The following SLC35F5 variants were observed in gnomAD, a reference collection of about 807,000 sequenced individuals.
SLC35F5 encodes the protein HCV NS5A-transactivated protein 3.
In SLC35F5, 54 loss-of-function variants were observed where a neutral mutation model predicts 68.6. The observed-to-expected ratio is 0.79, with a 90% CI of 0.63 to 0.99. SLC35F5 has a LOEUF of 0.99. Ranked by LOEUF, SLC35F5 falls within the 50% of genes least tolerant of loss-of-function variation. SLC35F5 has a pLI of 0.00. For missense variants in SLC35F5, 567 were observed against 626.9 expected (o/e 0.90, Z 1.02); for synonymous variants, 211 against 205.2 (o/e 1.03, Z -0.24).
intron 4 of SLC35F5, among the ~76,000 whole-genome samples, chr2:113,746,698 G>C (rs1251215887): frequency 6.6e-6 from 1 of 152,170 alleles, no homozygotes; most frequent in Non-Finnish European, 1.5e-5. Context: ...GCCAAGGCTG[G>C]TGGATCATTT....
intron 11 of SLC35F5, among the ~76,000 whole-genome samples, chr2:113,726,881 T>A (rs546942575): frequency 1.4e-4 from 22 of 152,330 alleles, no homozygotes; most frequent in African/African-American, 5.3e-4. Flanking sequence ...TCTTGCTTCC[T>A]TCACTGCAAG....
In SLC35F5 at chr2:113,755,504, G is replaced by T. The variant is rs1314324739; in HGVS notation, c.81C>A (p.Ala27=). The T allele has an allele frequency of 5.0e-6, 8 of 1,613,908 alleles. No individual in the cohort carries two copies. Among genetic ancestry groups the T allele is most frequent in the Non-Finnish European group, 5.9e-6 (7 of 1,180,004 alleles). ...CCTCAAGAGCAATGCCGGAAAACTT[G>T]GCAGATCTCAGTCTAAAAGGAGGTG... ...SSSPPFRLRS[A]KFSGIALEDL... is the part of the protein sequence containing the mutation. Residue 27 remains alanine (A), a synonymous_variant, in exon 2 of 16, where the codon GCC becomes GCA. Coordinates refer to ENST00000245680, the MANE Select transcript of SLC35F5 (RefSeq NM_025181.5).
chr2:113,719,672 C>T (rs1376041017), intron 13 of SLC35F5: 1 of 160,506 alleles, frequency 6.2e-6, no homozygotes, highest in Non-Finnish European at 1.3e-5. Flanking sequence ...GCTGCCTAGT[C>T]TCAAGTGGGT....
intron 13 of SLC35F5, among the ~76,000 whole-genome samples, chr2:113,721,923 T>C (rs1483359917): frequency 6.6e-6 from 1 of 151,968 alleles, no homozygotes; most frequent in Non-Finnish European, 1.5e-5. Context: ...TAAAGAATTA[T>C]TTTATAAATA....
chr2:113,729,645 G>A, intron 10 of SLC35F5, 140 bp from the exon 11 acceptor site: 1 of 588,270 alleles, frequency 1.7e-6, no homozygotes. Context: ...CCTTTATATT[G>A]ATATAAAGAT....
At chr2:113,724,112 A>C (rs1687565035) in intron 12 of SLC35F5, among the ~76,000 whole-genome samples, 1 of 152,136 alleles carries the variant, frequency 6.6e-6, no homozygotes, top group Admixed American at 6.5e-5. Flanking sequence ...GAGGCTGAAC[A>C]ACGAGTCCTT....
chr2:113,728,965 T>C (rs567948489), intron 11 of SLC35F5, among the ~76,000 whole-genome samples: 2 of 152,368 alleles, frequency 1.3e-5, no homozygotes, highest in East Asian at 3.9e-4. Flanking sequence ...CCCACAATTT[T>C]TAATGTACAT....
Position 113,712,567 on chromosome 2 carries a change from G to A in SLC35F5, c.*2651C>T, listed in dbSNP as rs557887470. On this transcript the variant is annotated 3_prime_UTR_variant, in exon 16 of 16. Coordinates refer to ENST00000245680, the MANE Select transcript of SLC35F5 (RefSeq NM_025181.5). Reference sequence around the variant, plus strand: ...CCTGACCTCGTGATCCGCCCGCCTCGGCCTCCCAAAGTGCTGGGACTACAG... The same window carrying A: ...CCTGACCTCGTGATCCGCCCGCCTCAGCCTCCCAAAGTGCTGGGACTACAG... Among the ~76,000 whole-genome samples, 7 of 151,672 alleles carry A rather than the reference G, an allele frequency of 4.6e-5. No homozygotes were observed. The highest frequency in any genetic ancestry group is 1.3e-4 in the Admixed American group (2 of 15,238).
At chr2:113,705,660 A>G (rs1038475139), downstream of SLC35F5, 3 of 152,184 alleles carry the variant, frequency 2.0e-5, no homozygotes, top group Non-Finnish European at 4.4e-5. Context: ...AGATGAAGAA[A>G]GAAGTTATAA....
chr2:113,734,744 A>C, intron 8 of SLC35F5, 71 bp from the exon 9 acceptor site: 1 of 893,358 alleles, frequency 1.1e-6, no homozygotes, highest in South Asian at 1.7e-5. Context: ...TACCAACTTC[A>C]TTGTTTAAAT....
chr2:113,721,077 AAATAACC>A (rs1039059706), intron 13 of SLC35F5, among the ~76,000 whole-genome samples: 1 of 152,162 alleles, frequency 6.6e-6, no homozygotes, highest in Non-Finnish European at 1.5e-5. Flanking sequence ...AAATAGATTT[AAATAACC>A]AATTTGTTTC....
In SLC35F5 at chr2:113,709,144, G is replaced by C. The variant is rs966280381; in HGVS notation, c.*6074C>G. 6.6e-6 allele frequency among the ~76,000 whole-genome samples: 1 copy of C among 152,126 alleles called. No individual in the cohort carries two copies. The highest frequency in any genetic ancestry group is 2.4e-5 in the African/African-American group (1 of 41,406). On this transcript the variant is annotated 3_prime_UTR_variant, in exon 16 of 16. Coordinates refer to ENST00000245680, the MANE Select transcript of SLC35F5 (RefSeq NM_025181.5). ...CTTTACAAAGCACTAAGTACACATA[G>C]GTGTTTGGCATTGTCTCTGGAACTA... is the stretch of plus-strand genomic sequence containing the variant.
At chr2:113,756,122 GAC>G in intron 1 of SLC35F5, 1 of 1,445,242 alleles carries the variant, frequency 6.9e-7, no homozygotes. Flanking sequence ...GAGCGGGGAA[GAC>G]AGTTAAGGCA....
Position 113,715,717 on chromosome 2 carries a change from C to T in SLC35F5, c.*23-522G>A, listed in dbSNP as rs138901128. On this transcript the variant is annotated intron_variant, in intron 15 of 15. Coordinates refer to ENST00000245680, the MANE Select transcript of SLC35F5 (RefSeq NM_025181.5). The stretch of plus-strand genomic sequence containing the variant: ...TTCTAGGAAACTGACTTTAGGTCCC[C>T]GAATAACATTTTTTCGTTCAGTGTT... 9.4e-4 allele frequency among the ~76,000 whole-genome samples: 143 copies of T among 151,864 alleles called. 1 individual carries two copies. In the East Asian group the frequency reaches 0.024, roughly 25 times the overall value.
intron 3 of SLC35F5, among the ~76,000 whole-genome samples, chr2:113,753,190 T>C (rs1676826186): frequency 1.5e-5 from 2 of 132,750 alleles, no homozygotes; most frequent in African/African-American, 5.5e-5. Context: ...TTTTTTTTTT[T>C]TTTTTGCTAA....
At chr2:113,746,069 T>C (rs1676471282) in intron 5 of SLC35F5, among the ~76,000 whole-genome samples, 1 of 152,164 alleles carries the variant, frequency 6.6e-6, no homozygotes, top group Non-Finnish European at 1.5e-5. Context: ...TTCCCCTCTC[T>C]CTTCAGAGGC....
intron 11 of SLC35F5, among the ~76,000 whole-genome samples, chr2:113,729,180 T>C (rs1045677725): frequency 2.6e-5 from 4 of 152,214 alleles, no homozygotes; most frequent in African/African-American, 9.6e-5. Context: ...TAGGAGTTTC[T>C]TTCTGTCTCA....
chr2:113,752,217 CA>C lies in SLC35F5; in HGVS notation c.274-1650del, dbSNP rs11386050. Among the ~76,000 whole-genome samples, 156 of 113,104 alleles carry C rather than the reference CA, an allele frequency of 1.4e-3. 1 individual carries two copies. Among genetic ancestry groups the C allele is most frequent in the East Asian group, 5.7e-3 (18 of 3,148 alleles). 74.2% of individuals were successfully genotyped at this position (113,104 alleles called of 152,430 possible). ...ACAAGAGCAAAACTCTGTCCCATCT[CA>C]AAAAAAAAAAAAAAAGATTAATAAG... On this transcript the variant is annotated intron_variant, in intron 3 of 15. Coordinates refer to ENST00000245680, the MANE Select transcript of SLC35F5 (RefSeq NM_025181.5).
At chr2:113,716,618 C>A (rs1467987083) in intron 15 of SLC35F5, among the ~76,000 whole-genome samples, 3 of 152,020 alleles carry the variant, frequency 2.0e-5, no homozygotes, top group Non-Finnish European at 4.4e-5. Flanking sequence ...ATGCCTAAAA[C>A]CGAGAACTCA....
Sources: gnomAD v4.1 joint callset for allele counts (sites outside exome capture counted in the v4.1 genomes callset) on GRCh38, gnomAD v4.1.1 for gene constraint, MANE v1.5 for transcripts, NCBI Gene and HGNC (gene_info 2026-07-23, HGNC 2026-07-21) for gene names.